CCDC6: variants seen among roughly 807,000 people sequenced by gnomAD.
The protein encoded by CCDC6 is coiled-coil domain containing 6.
CCDC6 carries 20 observed loss-of-function variants against 56.6 expected under a neutral mutation model. That is an observed-to-expected ratio of 0.35 (90% CI 0.25 to 0.51). CCDC6 has a LOEUF of 0.51. Among genes scored for constraint, CCDC6 ranks in the 20% least tolerant of loss-of-function variants. CCDC6 has a pLI of 0.95. For missense variants in CCDC6, 367 were observed against 601.1 expected (o/e 0.61, Z 4.07); for synonymous variants, 241 against 234.4 (o/e 1.03, Z -0.26).
chr10:59,819,635 A>C (rs1476815226), intron 3 of CCDC6, among the ~76,000 whole-genome samples: 1 of 152,206 alleles, frequency 6.6e-6, no homozygotes, highest in Non-Finnish European at 1.5e-5. Context: ...GTAAGTTGGA[A>C]ATTCTTGCTT....
chr10:59,808,623 G>A (rs1189956677), intron 5 of CCDC6, among the ~76,000 whole-genome samples: 2 of 152,194 alleles, frequency 1.3e-5, no homozygotes, highest in Non-Finnish European at 2.9e-5. Context: ...CCATGAGCAC[G>A]TCTAAGAGAG....
At chr10:59,824,231 T>C (rs1164848958) in intron 3 of CCDC6, among the ~76,000 whole-genome samples, 2 of 152,158 alleles carry the variant, frequency 1.3e-5, no homozygotes, top group Non-Finnish European at 2.9e-5. Context: ...CTTATCTGTG[T>C]CCCTTGACAC....
intron 4 of CCDC6, among the ~76,000 whole-genome samples, chr10:59,814,285 C>T (rs1352795947): frequency 6.6e-6 from 1 of 152,126 alleles, no homozygotes; most frequent in Non-Finnish European, 1.5e-5. Context: ...TAATAGTACG[C>T]AGTATACCCT....
At chr10:59,881,830 T>TAGACGTAACCTCAAAA (rs2071337752) in intron 1 of CCDC6, among the ~76,000 whole-genome samples, 1 of 152,118 alleles carries the variant, frequency 6.6e-6, no homozygotes, top group Non-Finnish European at 1.5e-5. Context: ...TGTGATAGGG[T>TAGACGTAACCTCAAAA]AGACGTAACC....
chr10:59,800,127 T>A (rs2070560166), intron 7 of CCDC6, among the ~76,000 whole-genome samples: 1 of 152,244 alleles, frequency 6.6e-6, no homozygotes, highest in African/African-American at 2.4e-5. Flanking sequence ...ATTACAGGGT[T>A]CCCATGTATC....
intron 1 of CCDC6, among the ~76,000 whole-genome samples, chr10:59,864,529 G>A (rs1031885527): frequency 2.6e-5 from 4 of 152,196 alleles, no homozygotes; most frequent in African/African-American, 9.7e-5. Context: ...TCTGCGGGGT[G>A]TAGGAGGGCA....
chr10:59,892,542 G>T (rs1225671566), intron 1 of CCDC6, among the ~76,000 whole-genome samples: 1 of 152,132 alleles, frequency 6.6e-6, no homozygotes, highest in African/African-American at 2.4e-5. Flanking sequence ...CTTTCAAGAG[G>T]TTATTTTTCT....
chr10:59,825,184 A>G (rs1353215627), intron 3 of CCDC6, among the ~76,000 whole-genome samples: 1 of 152,168 alleles, frequency 6.6e-6, no homozygotes, highest in Non-Finnish European at 1.5e-5. Flanking sequence ...CTTGAATTGT[A>G]CTCCCATAAT....
At chr10:59,879,328 A>C (rs2071313028) in intron 1 of CCDC6, among the ~76,000 whole-genome samples, 1 of 152,234 alleles carries the variant, frequency 6.6e-6, no homozygotes, top group African/African-American at 2.4e-5. Context: ...AAGAACACCC[A>C]TATTATAAAC....
intron 1 of CCDC6, among the ~76,000 whole-genome samples, chr10:59,883,083 C>G (rs1365400466): frequency 6.6e-6 from 1 of 152,102 alleles, no homozygotes; most frequent in African/African-American, 2.4e-5. Flanking sequence ...TTCGTACCCC[C>G]GAAACACAGT....
chr10:59,874,476 C>T (rs1330815015), intron 1 of CCDC6, among the ~76,000 whole-genome samples: 1 of 152,138 alleles, frequency 6.6e-6, no homozygotes, highest in Non-Finnish European at 1.5e-5. Flanking sequence ...CATACCAATG[C>T]AAACAACCAA....
At chr10:59,839,188 G>A (rs962794327) in intron 2 of CCDC6, among the ~76,000 whole-genome samples, 6 of 152,198 alleles carry the variant, frequency 3.9e-5, no homozygotes, top group African/African-American at 9.6e-5. Context: ...AATTTCACAC[G>A]TAAAGGGTAA....
chr10:59,885,378 C>T (rs1034052720), intron 1 of CCDC6, among the ~76,000 whole-genome samples: 3 of 152,088 alleles, frequency 2.0e-5, no homozygotes, highest in African/African-American at 4.8e-5. Flanking sequence ...TTTTGCAGGT[C>T]AAATTTATTC....
At chr10:59,804,572 TAGG>T in intron 6 of CCDC6, 52 bp from the exon 7 acceptor site, 1 of 938,868 alleles carries the variant, frequency 1.1e-6, no homozygotes, top group Non-Finnish European at 1.8e-6. Context: ...AAATAGGCCT[TAGG>T]AGAGTTTTTA....
intron 1 of CCDC6, among the ~76,000 whole-genome samples, chr10:59,900,349 C>A (rs1267677549): frequency 6.6e-6 from 1 of 152,044 alleles, no homozygotes; most frequent in African/African-American, 2.4e-5. Flanking sequence ...TCTATTTCAA[C>A]TGACAAGGTA....
chr10:59,901,384 T>C (rs1223976848), intron 1 of CCDC6, among the ~76,000 whole-genome samples: 3 of 152,210 alleles, frequency 2.0e-5, no homozygotes, highest in East Asian at 1.9e-4. Context: ...GAAAATAACA[T>C]ATTAGACTTC....
chr10:59,804,813 T>C (rs2070606901), intron 6 of CCDC6: 1 of 295,508 alleles, frequency 3.4e-6, no homozygotes, highest in Non-Finnish European at 6.5e-6. Context: ...TTTTCCTCCA[T>C]CACACAACAG....
intron 2 of CCDC6, among the ~76,000 whole-genome samples, chr10:59,848,253 T>C (rs1053560106): frequency 6.6e-6 from 1 of 152,202 alleles, no homozygotes; most frequent in African/African-American, 2.4e-5. Context: ...AAAGTATACA[T>C]AGCTCAGTTT....
chr10:59,801,402 C>T (rs1404373633), intron 7 of CCDC6, among the ~76,000 whole-genome samples: 1 of 152,174 alleles, frequency 6.6e-6, no homozygotes, highest in East Asian at 1.9e-4. Context: ...TGCTGCCGGT[C>T]GCCATCACTG....
Sources: allele counts gnomAD v4.1 joint callset (sites outside exome capture counted in the v4.1 genomes callset), GRCh38; gene constraint gnomAD v4.1.1; transcripts MANE v1.5; gene names NCBI Gene and HGNC (gene_info 2026-07-23, HGNC 2026-07-21).